ZNF487: variants seen among roughly 807,000 people sequenced by gnomAD.
ZNF487 encodes KRAB domain only 1.
Under a neutral mutation model 3.0 loss-of-function variants are expected in ZNF487, and 4 were observed. That is an observed-to-expected ratio of 1.35 (90% CI 0.66 to 3.08). The LOEUF (loss-of-function observed/expected upper bound fraction) is 3.08. Ranked by LOEUF, ZNF487 falls within the 30% of genes most tolerant of loss-of-function variation. The pLI is 0.01. For missense variants in ZNF487, 146 were observed against 98.7 expected (o/e 1.48, Z -2.03); for synonymous variants, 55 against 34.6 (o/e 1.59, Z -2.06).
chr10:43,507,690 C>T, the ZNF487 span, among the ~76,000 whole-genome samples: 1 of 152,170 alleles, frequency 6.6e-6, no homozygotes. Context: ...AATGGCACAG[C>T]TTGTTGGCTC....
chr10:43,516,368 A>G, the ZNF487 span, among the ~76,000 whole-genome samples: 1 of 152,206 alleles, frequency 6.6e-6, no homozygotes, highest in Non-Finnish European at 1.5e-5. Context: ...TCCAAAACCA[A>G]TGAAAGACCT....
At chr10:43,510,836 G>A in the ZNF487 span, among the ~76,000 whole-genome samples, 2 of 152,276 alleles carry the variant, frequency 1.3e-5, no homozygotes, top group African/African-American at 4.8e-5. Flanking sequence ...GTGAGCCACC[G>A]TGCCCGGCCC....
At chr10:43,492,025 C>G in the ZNF487 span, among the ~76,000 whole-genome samples, 2 of 151,710 alleles carry the variant, frequency 1.3e-5, no homozygotes, top group Admixed American at 6.6e-5. Flanking sequence ...CCTAGACCTC[C>G]TAGGCTCAAG....
chr10:43,518,795 C>T, the ZNF487 span, among the ~76,000 whole-genome samples: 1 of 152,184 alleles, frequency 6.6e-6, no homozygotes, highest in African/African-American at 2.4e-5. Context: ...ACATTATTCA[C>T]AACTCTCTTA....
At chr10:43,519,616 C>T in the ZNF487 span, among the ~76,000 whole-genome samples, 9 of 152,114 alleles carry the variant, frequency 5.9e-5, no homozygotes, top group African/African-American at 9.6e-5. Context: ...TACAGGTGCC[C>T]GCCACCACAC....
chr10:43,472,585 C>T (rs941542341), intron 1 of ZNF487, among the ~76,000 whole-genome samples: 14 of 152,078 alleles, frequency 9.2e-5, no homozygotes, highest in African/African-American at 3.1e-4. Flanking sequence ...GGTTGCTAAG[C>T]GCCAATCCTC....
the ZNF487 span, among the ~76,000 whole-genome samples, chr10:43,512,488 C>A: frequency 6.6e-6 from 1 of 152,182 alleles, no homozygotes; most frequent in Non-Finnish European, 1.5e-5. Flanking sequence ...CATAGTCAAA[C>A]CTTCAGTTTC....
chr10:43,514,909 C>T, the ZNF487 span, among the ~76,000 whole-genome samples: 1 of 152,194 alleles, frequency 6.6e-6, no homozygotes, highest in Non-Finnish European at 1.5e-5. Context: ...ACTCCACCAT[C>T]CCAATCTCCC....
At chr10:43,491,252 G>C in the ZNF487 span, among the ~76,000 whole-genome samples, 1 of 151,760 alleles carries the variant, frequency 6.6e-6, no homozygotes, top group Non-Finnish European at 1.5e-5. Context: ...GGGATTACAG[G>C]CCTCTACTTC....
chr10:43,447,749 C>G (rs377615750), intron 1 of ZNF487, among the ~76,000 whole-genome samples: 1 of 152,108 alleles, frequency 6.6e-6, no homozygotes, highest in Admixed American at 6.6e-5. Context: ...CCATGCAGCT[C>G]TTTCTTCTCT....
chr10:43,521,177 A>T, the ZNF487 span, among the ~76,000 whole-genome samples: 1 of 152,184 alleles, frequency 6.6e-6, no homozygotes, highest in African/African-American at 2.4e-5. Flanking sequence ...CCCAGATGAA[A>T]TACAGGGTTA....
At chr10:43,464,485 AG>A (rs1345818536) in intron 1 of ZNF487, among the ~76,000 whole-genome samples, 1 of 152,086 alleles carries the variant, frequency 6.6e-6, no homozygotes, top group African/African-American at 2.4e-5. Context: ...AAGTGAACAA[AG>A]GTCTCTGGTT....
the ZNF487 span, among the ~76,000 whole-genome samples, chr10:43,496,825 T>TG: frequency 4.6e-5 from 7 of 152,186 alleles, no homozygotes; most frequent in Middle Eastern, 3.4e-3. Context: ...GAGAGCTCTT[T>TG]GGGGGTCTTT....
chr10:43,480,696 G>T (rs1440284877), intron 3 of ZNF487, among the ~76,000 whole-genome samples: 1 of 150,454 alleles, frequency 6.6e-6, no homozygotes, highest in African/African-American at 2.4e-5. Context: ...GATTACAGGC[G>T]TGAGCCACTG....
chr10:43,488,273 A>C, the ZNF487 span, among the ~76,000 whole-genome samples: 1 of 152,200 alleles, frequency 6.6e-6, no homozygotes, highest in South Asian at 2.1e-4. Flanking sequence ...AATTGTAAGG[A>C]GAATACATGA....
chr10:43,464,865 G>C (rs1360267521), intron 1 of ZNF487, among the ~76,000 whole-genome samples: 1 of 152,084 alleles, frequency 6.6e-6, no homozygotes, highest in Non-Finnish European at 1.5e-5. Flanking sequence ...ATCATGGCCC[G>C]TTCTTAATGA....
intron 1 of ZNF487, among the ~76,000 whole-genome samples, chr10:43,441,954 T>C (rs1957253190): frequency 6.6e-6 from 1 of 152,272 alleles, no homozygotes; most frequent in South Asian, 2.1e-4. Flanking sequence ...TGGTTGGCCA[T>C]GTAGGCTTAT....
At chr10:43,488,474 C>G in the ZNF487 span, among the ~76,000 whole-genome samples, 1 of 152,016 alleles carries the variant, frequency 6.6e-6, no homozygotes, top group African/African-American at 2.4e-5. Context: ...AAACTAAAAG[C>G]AGTTTGTTGC....
intron 3 of ZNF487, 145 bp downstream of exon 3, chr10:43,476,347 C>T: frequency 3.4e-6 from 2 of 590,498 alleles, no homozygotes; most frequent in Non-Finnish European, 6.0e-6. Flanking sequence ...GAAGAGTTGG[C>T]CTGCTTGCCT....
Sources: gnomAD v4.1 joint callset for allele counts (sites outside exome capture counted in the v4.1 genomes callset) on GRCh38, gnomAD v4.1.1 for gene constraint, MANE v1.5 for transcripts, NCBI Gene and HGNC (gene_info 2026-07-23, HGNC 2026-07-21) for gene names.